Variants in FUT2 observed in about 807,000 individuals in gnomAD.
The protein encoded by FUT2 is fucosyltransferase 2 (H blood group).
For missense variants in FUT2, 419 were observed against 465.8 expected, an observed-to-expected ratio of 0.90 and a Z score of 0.93; for synonymous variants, 182 against 193.1, an observed-to-expected ratio of 0.94 and a Z score of 0.48.
rs1475724502 is a variant in FUT2 at position 48,703,467 on chromosome 19, C to T, written c.511C>T (p.His171Tyr). Reference sequence around the variant, plus strand: ...GGAGATCCTCCAGGAGTTCACCCTGCACGACCACGTGCGGGAGGAGGCCCA... The same window carrying T: ...GGAGATCCTCCAGGAGTTCACCCTGTACGACCACGTGCGGGAGGAGGCCCA... ...RQEILQEFTL[H>Y]DHVREEAQKF... is the part of the protein sequence containing the mutation. The change falls in exon 2 of 2, where the codon CAC (histidine) becomes TAC (tyrosine). Residue 171 changes from histidine (H) to tyrosine (Y), a missense_variant. By Grantham distance (83) the His-to-Tyr change is moderately conservative (BLOSUM62 2). Coordinates refer to ENST00000425340, the MANE Select transcript of FUT2 (RefSeq NM_000511.6). 12 of 1,613,010 alleles carry T rather than the reference C, an allele frequency of 7.4e-6. No homozygotes were observed. The highest frequency in any genetic ancestry group is 1.0e-5 in the Non-Finnish European group (12 of 1,180,028).
chr19:48,702,237 C>G (rs1246745353), intron 1 of FUT2, among the ~76,000 whole-genome samples: 1 of 151,834 alleles, frequency 6.6e-6, no homozygotes, highest in African/African-American at 2.4e-5. Flanking sequence ...CTTATCTCTA[C>G]AAAAGAGAAT....
intron 1 of FUT2, 34 bp from the exon 2 acceptor site, chr19:48,702,921 C>T (rs1164589847): frequency 1.9e-6 from 3 of 1,610,016 alleles, no homozygotes; most frequent in Admixed American, 1.7e-5. Context: ...CCTCCATCTC[C>T]CAGCTAACGT....
chr19:48,703,697 C>T lies in FUT2; in HGVS notation c.741C>T (p.Ala247=). Residue 247 remains alanine (A), a synonymous_variant, in exon 2 of 2, where the codon GCC becomes GCT. Transcript: ENST00000425340. ...TCGTGGTCACCAGTAATGGCATGGC[C>T]TGGTGTCGGGAGAACATTGACACCT... ...LIFVVTSNGM[A]WCRENIDTSH... The T allele has an allele frequency of 6.2e-7, 1 of 1,613,694 alleles. No homozygotes were observed. The highest frequency in any genetic ancestry group is 8.5e-7 in the Non-Finnish European group (1 of 1,180,036).
chr19:48,704,050 C>T lies in FUT2; in HGVS notation c.*62C>T. The T allele has an allele frequency of 2.8e-6, 4 of 1,436,564 alleles. No individual in the cohort carries two copies. The highest frequency in any genetic ancestry group is 3.9e-6 in the Non-Finnish European group (4 of 1,020,810). 89.0% of individuals were successfully genotyped at this position (1,436,564 alleles called of 1,614,324 possible). On this transcript the variant is annotated 3_prime_UTR_variant, in exon 2 of 2. Transcript: ENST00000425340. ...GCCTCCCTCAAGATGAGTGCCCGGG[C>T]ATGAGAAGCACATGGTTCCATGAGC...
chr19:48,697,499 C>CT (rs149976210), intron 1 of FUT2, among the ~76,000 whole-genome samples: 3,516 of 151,626 alleles, frequency 0.023, 136 homozygotes, highest in African/African-American at 0.079. Context: ...AGCAAGACCC[C>CT]CTCCCCACCA....
In FUT2 at chr19:48,704,659, A is replaced by G; in HGVS notation, c.*671A>G. 2.4e-6 allele frequency: 1 copy of G among 414,156 alleles called. No individual in the cohort carries two copies. Among genetic ancestry groups the G allele is most frequent in the Non-Finnish European group, 4.4e-6 (1 of 226,914 alleles). The allele number at this position is 414,156 out of a possible 1,614,324, so 25.7% of individuals were successfully genotyped here. A position where few individuals can be genotyped will look rare whatever the true frequency, so the allele number is the denominator to read the frequency against. ...CACATCCAGCCATCACATGCAGATA[A>G]TTCCTTTCAAAAACAGCAGAAAGAG... On this transcript the variant is annotated 3_prime_UTR_variant, in exon 2 of 2. Coordinates refer to ENST00000425340, the MANE Select transcript of FUT2 (RefSeq NM_000511.6).
Position 48,700,471 on chromosome 19 carries a change from C to T in FUT2, c.-2-2484C>T, listed in dbSNP as rs537352451. Among the ~76,000 whole-genome samples, 526 of 151,928 alleles carry T rather than the reference C, an allele frequency of 3.5e-3. 3 individuals are homozygous for T. The highest frequency in any genetic ancestry group is 0.012 in the African/African-American group (497 of 41,510). ...CCTCCTGAGTAGCTGGGACTATAGG[C>T]GCCCACCACCACACCCGGCTAATTT... is the stretch of plus-strand genomic sequence containing the variant. On this transcript the variant is annotated intron_variant, in intron 1 of 1. Transcript: ENST00000425340.
intron 1 of FUT2, among the ~76,000 whole-genome samples, chr19:48,697,234 A>G (rs1305922011): frequency 1.3e-5 from 2 of 151,028 alleles, no homozygotes; most frequent in Admixed American, 6.6e-5. Context: ...AATCCCAGCT[A>G]CTCGGGAGGC....
chr19:48,700,973 G>A (rs2032506155), intron 1 of FUT2, among the ~76,000 whole-genome samples: 1 of 151,934 alleles, frequency 6.6e-6, no homozygotes, highest in African/African-American at 2.4e-5. Context: ...AGGAGAAAAG[G>A]GGAAATGGCT....
rs2032622867 is a variant in FUT2 at position 48,705,374 on chromosome 19, G to A, written c.*1386G>A. On this transcript the variant is annotated 3_prime_UTR_variant, in exon 2 of 2. Transcript: ENST00000425340. Reference sequence around the variant, plus strand: ...TCCGCCTTCCTCGGCCTCCCAAAGTGCTGGGATTACAGGTGTTAGCCACTG... The same window carrying A: ...TCCGCCTTCCTCGGCCTCCCAAAGTACTGGGATTACAGGTGTTAGCCACTG... 1 of 166,292 alleles carries A rather than the reference G, an allele frequency of 6.0e-6. No homozygotes were observed. Among genetic ancestry groups the A allele is most frequent in the Non-Finnish European group, 1.5e-5 (1 of 68,136 alleles). The allele number at this position is 166,292 out of a possible 1,614,324, so 10.3% of individuals were successfully genotyped here.
rs2032609962 is a variant in FUT2 at position 48,704,997 on chromosome 19, C to T, written c.*1009C>T. ...GTAGGTTGTTCACTGCAGGAAGTCC[C>T]CTGGTTAAGAAGGCAAGTGGGGTTT... On this transcript the variant is annotated 3_prime_UTR_variant, in exon 2 of 2. Coordinates refer to ENST00000425340, the MANE Select transcript of FUT2 (RefSeq NM_000511.6). 4 of 411,082 alleles carry T rather than the reference C, an allele frequency of 9.7e-6. No homozygotes were observed. Among genetic ancestry groups the T allele is most frequent in the Non-Finnish European group, 1.8e-5 (4 of 225,396 alleles). The allele number at this position is 411,082 out of a possible 1,614,324, so 25.5% of individuals were successfully genotyped here.
Position 48,703,648 on chromosome 19 carries a change from G to C in FUT2, c.692G>C (p.Arg231Pro). The change falls in exon 2 of 2, where the codon CGA (arginine) becomes CCA (proline). Residue 231 changes from arginine to proline, a missense_variant. Transcript: ENST00000425340. The part of the protein sequence containing the change: ...RYLQQALDWF[R>P]ARYSSLIFVV... ...CTACAGCAGGCCCTGGACTGGTTCC[G>C]AGCTCGCTACAGCTCCCTCATCTTC... 1 of 1,613,616 alleles carries C rather than the reference G, an allele frequency of 6.2e-7. No individual in the cohort carries two copies. Among genetic ancestry groups the C allele is most frequent in the Non-Finnish European group, 8.5e-7 (1 of 1,180,028 alleles).
At chr19:48,701,271 C>T (rs1214737561) in intron 1 of FUT2, among the ~76,000 whole-genome samples, 4 of 152,004 alleles carry the variant, frequency 2.6e-5, no homozygotes, top group South Asian at 2.1e-4. Flanking sequence ...CTCAGCCTCC[C>T]GAGTTCAAGC....
intron 1 of FUT2, among the ~76,000 whole-genome samples, chr19:48,700,445 A>G (rs997278356): frequency 1.3e-5 from 2 of 151,606 alleles, no homozygotes; most frequent in South Asian, 2.1e-4. Flanking sequence ...TCCTGCCTCA[A>G]CCTCCTGAGT....
chr19:48,697,992 T>C (rs1480688733), intron 1 of FUT2, among the ~76,000 whole-genome samples: 1 of 143,844 alleles, frequency 7.0e-6, no homozygotes, highest in Non-Finnish European at 1.5e-5. Flanking sequence ...CTGCACTGGC[T>C]CTTTTTTTTT....
chr19:48,702,850 A>G, intron 1 of FUT2, 105 bp from the exon 2 acceptor site: 3 of 1,051,000 alleles, frequency 2.9e-6, no homozygotes, highest in East Asian at 4.8e-5. Flanking sequence ...AAGTAGAAGC[A>G]CACACACACC....
Position 48,705,095 on chromosome 19 carries a change from C to CTTTTAT in FUT2, c.*1111_*1112insATTTTT. 10 of 222,230 alleles carry CTTTTAT rather than the reference C, an allele frequency of 4.5e-5. No homozygotes were observed. The highest frequency in any genetic ancestry group is 2.2e-4 in the South Asian group (1 of 4,496). The allele number at this position is 222,230 out of a possible 1,614,324, so 13.8% of individuals were successfully genotyped here. The stretch of plus-strand genomic sequence containing the variant: ...GTCCACCCAGAGAGCTCACTGTTTT[C>CTTTTAT]TTTTCTTTTTCTTTTCTTTTTTTTT... On this transcript the variant is annotated 3_prime_UTR_variant, in exon 2 of 2. Coordinates refer to ENST00000425340, the MANE Select transcript of FUT2 (RefSeq NM_000511.6).
rs780666463 is a variant in FUT2, at chr19:48,703,038, G to A, written c.82G>A (p.Val28Ile). Reference protein sequence around the residue: ...FVFTVSTIFHVQQRLAKIQAM... With the variant: ...FVFTVSTIFHIQQRLAKIQAM... ...CTTTACGGTTTCCACTATATTTCACGTTCAGCAGCGGCTAGCGAAGATTCA... is the reference window on the plus strand; with the variant it reads ...CTTTACGGTTTCCACTATATTTCACATTCAGCAGCGGCTAGCGAAGATTCA... Residue 28 changes from valine (V) to isoleucine (I), a missense_variant, in exon 2 of 2, where the codon GTT (valine) becomes ATT (isoleucine). Physicochemically the swap from Val to Ile is conservative, Grantham distance 29. Coordinates refer to ENST00000425340, the MANE Select transcript of FUT2 (RefSeq NM_000511.6). The A allele has an allele frequency of 5.5e-5, 89 of 1,612,812 alleles. 1 individual carries two copies. The highest frequency in any genetic ancestry group is 6.9e-5 in the Non-Finnish European group (81 of 1,180,026).
chr19:48,699,017 C>T (rs947991885), intron 1 of FUT2, among the ~76,000 whole-genome samples: 5 of 127,748 alleles, frequency 3.9e-5, no homozygotes, highest in African/African-American at 1.4e-4. Context: ...TTCCTTCCTT[C>T]CTTCCATAGG....
Sources: gnomAD v4.1 joint callset for allele counts (sites outside exome capture counted in the v4.1 genomes callset) on GRCh38, gnomAD v4.1.1 for gene constraint, MANE v1.5 for transcripts, NCBI Gene and HGNC (gene_info 2026-07-23, HGNC 2026-07-21) for gene names.